The following SYT1 variants were observed in gnomAD, a reference collection of about 807,000 sequenced individuals.
SYT1 encodes synaptotagmin 1, also known as synaptotagmin-1.
In SYT1, 8 loss-of-function variants were observed where a neutral mutation model predicts 44.8. That is an observed-to-expected ratio of 0.18 (90% CI 0.10 to 0.32). SYT1 has a LOEUF of 0.32. Among genes scored for constraint, SYT1 ranks in the 10% least tolerant of loss-of-function variants. The probability of loss-of-function intolerance (pLI) is 1.00; values close to 1 mark genes in which losing one functional copy is unlikely to be tolerated. For synonymous variants in SYT1, 154 were observed against 188.8 expected (o/e 0.82, Z 1.51); for missense variants, 286 against 509.3 (o/e 0.56, Z 4.22).
At chr12:79,224,961 A>G (rs1457686134) in intron 4 of SYT1, among the ~76,000 whole-genome samples, 3 of 151,710 alleles carry the variant, frequency 2.0e-5, no homozygotes, top group Non-Finnish European at 2.9e-5. Context: ...TTGTATTTTT[A>G]GTAGAGACGG....
intron 8 of SYT1, among the ~76,000 whole-genome samples, chr12:79,326,775 C>T (rs1832793302): frequency 1.3e-5 from 2 of 152,154 alleles, no homozygotes; most frequent in Admixed American, 6.5e-5. Flanking sequence ...GAGACTTCTT[C>T]AGATTCCCCA....
chr12:78,958,599 G>A (rs1284361202), intron 1 of SYT1, among the ~76,000 whole-genome samples: 8 of 151,906 alleles, frequency 5.3e-5, no homozygotes. Context: ...GGAGGCTAAA[G>A]CATGAGAATC....
intron 3 of SYT1, among the ~76,000 whole-genome samples, chr12:79,059,893 C>A (rs2137836248): frequency 6.6e-6 from 1 of 152,098 alleles, no homozygotes; most frequent in East Asian, 1.9e-4. Flanking sequence ...GAGACAGATT[C>A]TGAAAGGCAA....
intron 3 of SYT1, among the ~76,000 whole-genome samples, chr12:79,138,392 A>C (rs1303787518): frequency 1.3e-5 from 2 of 152,342 alleles, no homozygotes; most frequent in South Asian, 2.1e-4. Context: ...GCTATTTAGT[A>C]ATGCAATATT....
chr12:79,265,432 G>A (rs546771117), intron 4 of SYT1, among the ~76,000 whole-genome samples: 1 of 152,180 alleles, frequency 6.6e-6, no homozygotes, highest in Middle Eastern at 3.4e-3. Flanking sequence ...CTGATTTGGA[G>A]TAAATAATTT....
At chr12:79,242,485 T>G (rs921192775) in intron 4 of SYT1, among the ~76,000 whole-genome samples, 2 of 152,204 alleles carry the variant, frequency 1.3e-5, no homozygotes, top group Admixed American at 6.5e-5. Flanking sequence ...TTGATTGTCC[T>G]AATAGCCACC....
chr12:78,971,983 A>C (rs1868414020), intron 1 of SYT1, among the ~76,000 whole-genome samples: 1 of 152,166 alleles, frequency 6.6e-6, no homozygotes, highest in Admixed American at 6.5e-5. Flanking sequence ...ACTTCTAGGA[A>C]TTAAAGTTCC....
At chr12:78,869,807 A>T (rs1366924982) in intron 1 of SYT1, among the ~76,000 whole-genome samples, 1 of 152,014 alleles carries the variant, frequency 6.6e-6, no homozygotes, top group Non-Finnish European at 1.5e-5. Flanking sequence ...CTGATTGCTG[A>T]TTTCCATACT....
chr12:79,097,576 T>C (rs1032872705), intron 3 of SYT1, among the ~76,000 whole-genome samples: 1 of 151,904 alleles, frequency 6.6e-6, no homozygotes, highest in South Asian at 2.1e-4. Flanking sequence ...CACTATAAAA[T>C]ACTGTGTAAT....
chr12:79,018,447 C>G (rs954334114), intron 2 of SYT1, among the ~76,000 whole-genome samples: 4 of 151,950 alleles, frequency 2.6e-5, no homozygotes, highest in African/African-American at 9.7e-5. Context: ...ACATATGTAA[C>G]AAACCTGCAC....
intron 3 of SYT1, among the ~76,000 whole-genome samples, chr12:79,151,559 C>T (rs1282812691): frequency 1.3e-5 from 2 of 152,052 alleles, no homozygotes; most frequent in Non-Finnish European, 2.9e-5. Flanking sequence ...AAACATCACC[C>T]TAATGATGAC....
intron 3 of SYT1, among the ~76,000 whole-genome samples, chr12:79,097,474 A>G (rs1398059505): frequency 6.6e-6 from 1 of 152,018 alleles, no homozygotes; most frequent in Non-Finnish European, 1.5e-5. Flanking sequence ...TCCACAAGAG[A>G]TTAAACCTCT....
At chr12:79,052,482 C>G (rs779686285) in intron 3 of SYT1, among the ~76,000 whole-genome samples, 3 of 152,068 alleles carry the variant, frequency 2.0e-5, no homozygotes, top group African/African-American at 7.2e-5. Context: ...AAAGCAATGG[C>G]AACAAAAGCC....
intron 8 of SYT1, among the ~76,000 whole-genome samples, chr12:79,352,996 C>T (rs1481736262): frequency 6.6e-6 from 1 of 152,134 alleles, no homozygotes; most frequent in Non-Finnish European, 1.5e-5. Context: ...CAGAATTTCT[C>T]ATCAATAAAT....
At chr12:79,179,223 GATATAGATATAGATAT>G (rs1565841605) in intron 3 of SYT1, among the ~76,000 whole-genome samples, 28 of 18,378 alleles carry the variant, frequency 1.5e-3, no homozygotes, top group African/African-American at 6.9e-3. Context: ...TAGATATATA[GATATAGATATAGATAT>G]ATAGATATAG....
chr12:78,973,042 A>G (rs932183010), intron 1 of SYT1, among the ~76,000 whole-genome samples: 1 of 152,156 alleles, frequency 6.6e-6, no homozygotes, highest in East Asian at 1.9e-4. Flanking sequence ...TCTATTTTTC[A>G]TCAATTTGTT....
intron 1 of SYT1, among the ~76,000 whole-genome samples, chr12:78,892,812 G>C (rs567096484): frequency 1.3e-5 from 2 of 151,762 alleles, no homozygotes; most frequent in Admixed American, 1.3e-4. Context: ...GTAAAGAGGA[G>C]AATTATTTTT....
At chr12:78,880,500 G>A (rs1874394068) in intron 1 of SYT1, among the ~76,000 whole-genome samples, 2 of 151,082 alleles carry the variant, frequency 1.3e-5, no homozygotes, top group Admixed American at 1.3e-4. Context: ...TAAATTCCAT[G>A]ATAACAGAGA....
At chr12:79,363,319 A>G (rs191884538) in intron 9 of SYT1, among the ~76,000 whole-genome samples, 1 of 152,268 alleles carries the variant, frequency 6.6e-6, no homozygotes, top group Admixed American at 6.5e-5. Context: ...TTACAAAGGT[A>G]TAAGATTCCT....
Sources: allele counts gnomAD v4.1 joint callset (sites outside exome capture counted in the v4.1 genomes callset), GRCh38; gene constraint gnomAD v4.1.1; transcripts MANE v1.5; gene names NCBI Gene and HGNC (gene_info 2026-07-23, HGNC 2026-07-21).